STX17: variants seen among roughly 807,000 people sequenced by gnomAD.
STX17 encodes the protein syntaxin 17, also known as syntaxin-17.
Under a neutral mutation model 35.9 loss-of-function variants are expected in STX17, and 29 were observed. That is an observed-to-expected ratio of 0.81 (90% CI 0.60 to 1.10). STX17 has a LOEUF of 1.10. Among genes scored for constraint, STX17 ranks in the 50% least tolerant of loss-of-function variants. The pLI, the probability that STX17 is intolerant of heterozygous loss-of-function variation, is 0.00. For synonymous variants in STX17, 92 were observed against 118.3 expected (o/e 0.78, Z 1.44); for missense variants, 312 against 352.3 (o/e 0.89, Z 0.92).
chr9:99,965,840 A>AT (rs1369227907), intron 6 of STX17, among the ~76,000 whole-genome samples: 1 of 152,106 alleles, frequency 6.6e-6, no homozygotes, highest in African/African-American at 2.4e-5. Context: ...AAATTTTTCT[A>AT]TTTTTCCCCC....
chr9:99,956,397 A>G (rs974587517), intron 4 of STX17, among the ~76,000 whole-genome samples: 2 of 152,134 alleles, frequency 1.3e-5, no homozygotes, highest in Non-Finnish European at 2.9e-5. Flanking sequence ...TTGAGTGGTC[A>G]TGGTTATAAA....
chr9:99,939,259 A>G (rs1463924724), intron 3 of STX17, among the ~76,000 whole-genome samples: 2 of 152,202 alleles, frequency 1.3e-5, no homozygotes, highest in African/African-American at 4.8e-5. Context: ...AGAGAATGGA[A>G]AAGAAGATAC....
chr9:99,909,088 C>T (rs1166024150), intron 1 of STX17, among the ~76,000 whole-genome samples: 1 of 152,174 alleles, frequency 6.6e-6, no homozygotes, highest in African/African-American at 2.4e-5. Context: ...GGATTTCTGA[C>T]CTATGTTCCT....
chr9:99,913,352 C>A (rs1176548028), intron 1 of STX17, among the ~76,000 whole-genome samples: 1 of 151,830 alleles, frequency 6.6e-6, no homozygotes, highest in Non-Finnish European at 1.5e-5. Flanking sequence ...CTTTTATCTT[C>A]TTTTTTATAC....
intron 3 of STX17, among the ~76,000 whole-genome samples, chr9:99,949,668 G>A (rs1829553335): frequency 6.6e-6 from 1 of 151,780 alleles, no homozygotes; most frequent in Admixed American, 6.6e-5. Context: ...CTACTGTGTA[G>A]GATTTGCATT....
intron 6 of STX17, among the ~76,000 whole-genome samples, chr9:99,966,287 A>C (rs773679260): frequency 1.3e-5 from 2 of 152,260 alleles, no homozygotes; most frequent in Non-Finnish European, 1.5e-5. Context: ...AGAGATGTCA[A>C]GATAGTGGTG....
chr9:99,966,416 G>A (rs1012678551), intron 6 of STX17, among the ~76,000 whole-genome samples: 1 of 152,186 alleles, frequency 6.6e-6, no homozygotes, highest in African/African-American at 2.4e-5. Context: ...GTAGCTGTGT[G>A]GTTTGGGCTT....
At chr9:99,913,178 C>CT (rs1828695745) in intron 1 of STX17, among the ~76,000 whole-genome samples, 1 of 151,734 alleles carries the variant, frequency 6.6e-6, no homozygotes, top group Non-Finnish European at 1.5e-5. Flanking sequence ...AATTTGGTTT[C>CT]TTTTTAATGT....
chr9:99,963,432 T>C (rs960860452), intron 6 of STX17, among the ~76,000 whole-genome samples: 2 of 152,188 alleles, frequency 1.3e-5, no homozygotes, highest in African/African-American at 2.4e-5. Flanking sequence ...CCAGTTTTAC[T>C]CTGGAAACAT....
chr9:99,915,556 C>T (rs923722516), intron 2 of STX17, among the ~76,000 whole-genome samples, 194 bp downstream of exon 2: 1 of 151,948 alleles, frequency 6.6e-6, no homozygotes, highest in African/African-American at 2.4e-5. Context: ...ATTCCTTTTT[C>T]TGGGAAGGGA....
Position 99,969,959 on chromosome 9 carries a change from T to G in STX17, c.*1286T>G, listed in dbSNP as rs557264345. Reference sequence around the variant, plus strand: ...GCAAGCATGGCCCAGCCCAACTGCATGTCTATCTCAAACCGCAGAAAGGCT... The same window carrying G: ...GCAAGCATGGCCCAGCCCAACTGCAGGTCTATCTCAAACCGCAGAAAGGCT... On this transcript the variant is annotated 3_prime_UTR_variant, in exon 8 of 8. Transcript: ENST00000259400. 7 of 152,774 alleles carry G rather than the reference T, an allele frequency of 4.6e-5. No individual in the cohort carries two copies. The highest frequency in any genetic ancestry group is 1.7e-4 in the African/African-American group (7 of 41,542). The allele number at this position is 152,774 out of a possible 1,614,324, so 9.5% of individuals were successfully genotyped here.
At chr9:99,935,102 G>A (rs1179709671) in intron 3 of STX17, among the ~76,000 whole-genome samples, 7 of 151,878 alleles carry the variant, frequency 4.6e-5, no homozygotes, top group African/African-American at 1.5e-4. Context: ...AAGCTGAAGC[G>A]GGCAGATCAC....
Position 99,959,946 on chromosome 9 carries a change from A to C in STX17, c.445A>C (p.Ser149Arg). The C allele has an allele frequency of 6.2e-7, 1 of 1,613,642 alleles. No homozygotes were observed. The highest frequency in any genetic ancestry group is 8.5e-7 in the Non-Finnish European group (1 of 1,179,838). Residue 149 changes from serine (S) to arginine (R), a missense_variant, in exon 5 of 8, where the codon AGT becomes CGT. By Grantham distance (110) the Ser-to-Arg change is moderately radical (BLOSUM62 -1). Transcript: ENST00000259400. ...GAFHTTEAEA[S>R]SQSLTQIYAL... ...ATTTCATACTACTGAAGCTGAAGCTAGTTCTCAGAGTTTGACTCAGATATA... is the reference window on the plus strand; with the variant it reads ...ATTTCATACTACTGAAGCTGAAGCTCGTTCTCAGAGTTTGACTCAGATATA...
chr9:99,937,521 T>C (rs1439552375), intron 3 of STX17, among the ~76,000 whole-genome samples: 1 of 152,248 alleles, frequency 6.6e-6, no homozygotes, highest in African/African-American at 2.4e-5. Flanking sequence ...CAGCAGTGTC[T>C]AGTCTGCCAT....
At chr9:99,949,070 G>C (rs1701380353) in intron 3 of STX17, among the ~76,000 whole-genome samples, 1 of 152,096 alleles carries the variant, frequency 6.6e-6, no homozygotes, top group African/African-American at 2.4e-5. Flanking sequence ...CTGGGCTGTA[G>C]TCCAAATTCT....
rs113974389 is a variant in STX17, at chr9:99,930,166, C to T, written c.189+1323C>T. 7.5e-3 allele frequency among the ~76,000 whole-genome samples: 1,149 copies of T among 152,202 alleles called. 15 individuals carry two copies. Among genetic ancestry groups the T allele is most frequent in the African/African-American group, 0.026 (1,098 of 41,516 alleles). On this transcript the variant is annotated intron_variant, in intron 3 of 7. Transcript: ENST00000259400. ...GACCTTGTGATCCGCCTGCCTTGGC[C>T]TCCCATAGTGCTGGGATTACAGGCA...
chr9:99,966,636 G>A (rs912717592), intron 6 of STX17, among the ~76,000 whole-genome samples: 7 of 152,010 alleles, frequency 4.6e-5, no homozygotes, highest in Non-Finnish European at 8.8e-5. Context: ...AAAATAGTCT[G>A]TAAACTGTGA....
chr9:99,968,379 C>T (rs978539060), intron 7 of STX17, 55 bp from the exon 8 acceptor site: 2 of 1,510,958 alleles, frequency 1.3e-6, no homozygotes, highest in Non-Finnish European at 1.8e-6. Flanking sequence ...CGCACATCAC[C>T]ACAGGCAGAT....
intron 7 of STX17, 86 bp from the exon 8 acceptor site, chr9:99,968,348 C>G: frequency 6.8e-7 from 1 of 1,471,990 alleles, no homozygotes; most frequent in Admixed American, 2.4e-5. Flanking sequence ...AGAGGCATTG[C>G]CAGGAGTAAT....
Sources: gnomAD v4.1 joint callset for allele counts (sites outside exome capture counted in the v4.1 genomes callset) on GRCh38, gnomAD v4.1.1 for gene constraint, MANE v1.5 for transcripts, NCBI Gene and HGNC (gene_info 2026-07-23, HGNC 2026-07-21) for gene names.